Variants in KCNMA1 observed in about 807,000 individuals in gnomAD.
The protein encoded by KCNMA1 is potassium calcium-activated channel subfamily M alpha 1.
Under a neutral mutation model 140.0 loss-of-function variants are expected in KCNMA1, and 29 were observed. The observed-to-expected ratio is 0.21, with a 90% confidence interval of 0.15 to 0.28. The LOEUF (loss-of-function observed/expected upper bound fraction) is 0.28. Among genes scored for constraint, KCNMA1 ranks in the 10% least tolerant of loss-of-function variants. The pLI is 1.00. For synonymous variants in KCNMA1, 612 were observed against 611.9 expected, an observed-to-expected ratio of 1.00 and a Z score of 0.00; for missense variants, 880 against 1,602.2, an observed-to-expected ratio of 0.55 and a Z score of 7.70.
intron 1 of KCNMA1, among the ~76,000 whole-genome samples, chr10:77,628,644 T>C (rs2092828342): frequency 6.7e-6 from 1 of 149,098 alleles, no homozygotes; most frequent in Non-Finnish European, 1.5e-5. Context: ...AGCAAGACGG[T>C]ATCTCAAAAA....
intron 2 of KCNMA1, among the ~76,000 whole-genome samples, chr10:77,369,458 C>A (rs2094548948): frequency 6.6e-6 from 1 of 152,184 alleles, no homozygotes; most frequent in South Asian, 2.1e-4. Flanking sequence ...CCAGTCTGGG[C>A]TCTTGTGGCT....
At chr10:77,012,358 C>T (rs1479157722) in intron 17 of KCNMA1, 9 of 1,487,048 alleles carry the variant, frequency 6.1e-6, no homozygotes, top group Non-Finnish European at 7.1e-6. Context: ...GCCTTTGATG[C>T]TACTCGTGGG....
chr10:77,030,599 C>G (rs966292726), intron 15 of KCNMA1, among the ~76,000 whole-genome samples: 4 of 152,144 alleles, frequency 2.6e-5, no homozygotes, highest in African/African-American at 9.7e-5. Context: ...TTTTATAAAC[C>G]TAATCCCGCT....
chr10:77,580,673 A>G (rs1272894165), intron 1 of KCNMA1, among the ~76,000 whole-genome samples: 1 of 152,190 alleles, frequency 6.6e-6, no homozygotes, highest in Non-Finnish European at 1.5e-5. Context: ...CAGAAGAGCC[A>G]TCTGTGCTTT....
chr10:77,285,692 C>T (rs201903735), intron 2 of KCNMA1, among the ~76,000 whole-genome samples: 1 of 152,036 alleles, frequency 6.6e-6, no homozygotes, highest in South Asian at 2.1e-4. Flanking sequence ...TGGGTGTTAC[C>T]ACATGGCATA....
intron 1 of KCNMA1, among the ~76,000 whole-genome samples, chr10:77,580,249 C>T (rs996836380): frequency 1.3e-5 from 2 of 151,746 alleles, no homozygotes; most frequent in African/African-American, 2.4e-5. Flanking sequence ...GGCGTGGTGG[C>T]GGGCGCCTGT....
chr10:77,373,422 G>A (rs1407069068), intron 2 of KCNMA1, among the ~76,000 whole-genome samples: 4 of 152,148 alleles, frequency 2.6e-5, no homozygotes, highest in African/African-American at 4.8e-5. Flanking sequence ...TTGATTTTAA[G>A]CCTGAATCTT....
intron 1 of KCNMA1, among the ~76,000 whole-genome samples, chr10:77,428,959 C>T (rs1224124832): frequency 2.6e-5 from 4 of 152,122 alleles, no homozygotes; most frequent in African/African-American, 7.2e-5. Flanking sequence ...GGGGTGGAAA[C>T]AAGACCCAGG....
intron 5 of KCNMA1, among the ~76,000 whole-genome samples, chr10:77,154,807 A>G (rs940098522): frequency 2.6e-5 from 4 of 152,278 alleles, no homozygotes; most frequent in Non-Finnish European, 5.9e-5. Flanking sequence ...AGTCACATCA[A>G]GAAACAACTA....
chr10:77,251,160 G>A, intron 3 of KCNMA1, 35 bp downstream of exon 3: 3 of 1,504,494 alleles, frequency 2.0e-6, no homozygotes, highest in Non-Finnish European at 2.8e-6. Context: ...GATTGTTTAT[G>A]AAACGAGGGC....
At chr10:77,458,982 C>G (rs925318185) in intron 1 of KCNMA1, among the ~76,000 whole-genome samples, 3 of 152,134 alleles carry the variant, frequency 2.0e-5, no homozygotes, top group African/African-American at 7.2e-5. Context: ...TGGCATAGAC[C>G]ATGCCTCAGA....
intron 1 of KCNMA1, among the ~76,000 whole-genome samples, chr10:77,420,334 T>G (rs1351029155): frequency 6.6e-6 from 1 of 152,242 alleles, no homozygotes; most frequent in Non-Finnish European, 1.5e-5. Context: ...AGACCTGTCA[T>G]TGTGCTCATG....
rs554109031 is a variant in KCNMA1 at position 77,298,985 on chromosome 10, C to T, written c.541-47729G>A. On this transcript the variant is annotated intron_variant, in intron 2 of 27. Transcript: ENST00000286628. ...TCTGCTGAAGGAATAATAAATATGTCTTTTGAACAACTGATTTTGTTGTTG... is the reference window on the plus strand; with the variant it reads ...TCTGCTGAAGGAATAATAAATATGTTTTTTGAACAACTGATTTTGTTGTTG... Among the ~76,000 whole-genome samples, 4 of 152,338 alleles carry T rather than the reference C, an allele frequency of 2.6e-5. No homozygotes were observed. In the East Asian group the frequency reaches 7.7e-4, roughly 29 times the overall value.
downstream of KCNMA1, chr10:76,874,192 G>A (rs1259187273): frequency 2.6e-5 from 4 of 152,300 alleles, no homozygotes; most frequent in African/African-American, 7.2e-5. Flanking sequence ...AACCTAAAGA[G>A]AATCTAAAGT....
chr10:77,435,929 G>A (rs955733266), intron 1 of KCNMA1, among the ~76,000 whole-genome samples: 2 of 152,196 alleles, frequency 1.3e-5, no homozygotes, highest in African/African-American at 4.8e-5. Flanking sequence ...GGACCCAGAT[G>A]CCTATGAAAG....
intron 5 of KCNMA1, among the ~76,000 whole-genome samples, chr10:77,180,312 G>A (rs1232895107): frequency 6.6e-6 from 1 of 152,124 alleles, no homozygotes; most frequent in African/African-American, 2.4e-5. Context: ...AAGCTCATTG[G>A]TACAATGGTT....
chr10:76,944,709 T>C (rs558014593), intron 23 of KCNMA1, 64 bp downstream of exon 23: 1 of 1,439,928 alleles, frequency 6.9e-7, no homozygotes, highest in East Asian at 2.3e-5. Flanking sequence ...GAGTGAAGGA[T>C]ATCCCTCTTG....
At chr10:77,263,679 T>C (rs529935951) in intron 2 of KCNMA1, among the ~76,000 whole-genome samples, 1 of 152,300 alleles carries the variant, frequency 6.6e-6, no homozygotes, top group Non-Finnish European at 1.5e-5. Context: ...ATCTAAGCCC[T>C]ATAGTGTCAA....
At chr10:76,934,639 G>A (rs2060071233) in intron 23 of KCNMA1, among the ~76,000 whole-genome samples, 1 of 152,198 alleles carries the variant, frequency 6.6e-6, no homozygotes, top group Non-Finnish European at 1.5e-5. Context: ...GACAACAGGG[G>A]CACTAACCTC....
Sources: gnomAD v4.1 joint callset for allele counts (sites outside exome capture counted in the v4.1 genomes callset) on GRCh38, gnomAD v4.1.1 for gene constraint, MANE v1.5 for transcripts, NCBI Gene and HGNC (gene_info 2026-07-23, HGNC 2026-07-21) for gene names.